CDH13: variants seen among roughly 807,000 people sequenced by gnomAD.
CDH13 encodes cadherin-13.
CDH13 carries 24 observed loss-of-function variants against 63.8 expected under a neutral mutation model. The ratio of observed to expected loss-of-function variants is 0.38; its 90% CI spans 0.27 to 0.53. The LOEUF (loss-of-function observed/expected upper bound fraction) is 0.53. CDH13 is among the 20% of genes least tolerant of loss of function. CDH13 has a pLI of 0.85. For missense variants in CDH13, 1,049 were observed against 903.1 expected, an observed-to-expected ratio of 1.16 and a Z score of -2.07; for synonymous variants, 503 against 355.3, an observed-to-expected ratio of 1.42 and a Z score of -4.67.
intron 3 of CDH13, among the ~76,000 whole-genome samples, chr16:83,061,784 T>C (rs1464616429): frequency 6.6e-6 from 1 of 152,338 alleles, no homozygotes; most frequent in East Asian, 1.9e-4. Flanking sequence ...ACGGCACTTA[T>C]GAAGAATCTG....
At chr16:82,881,904 C>A (rs946485324) in intron 2 of CDH13, among the ~76,000 whole-genome samples, 3 of 152,180 alleles carry the variant, frequency 2.0e-5, no homozygotes, top group Non-Finnish European at 4.4e-5. Context: ...GGACCCACCA[C>A]CAGCTTCTGT....
At chr16:82,692,127 T>C (rs1388053126) in intron 1 of CDH13, among the ~76,000 whole-genome samples, 1 of 152,228 alleles carries the variant, frequency 6.6e-6, no homozygotes, top group Non-Finnish European at 1.5e-5. Context: ...AGCAAAGTTA[T>C]ACTGAAGTGC....
intron 7 of CDH13, among the ~76,000 whole-genome samples, chr16:83,507,993 C>G (rs1219453850): frequency 6.7e-6 from 1 of 148,434 alleles, no homozygotes. Flanking sequence ...GATCGCGCCA[C>G]TGCACTCCAG....
chr16:83,325,897 A>T lies in CDH13; in HGVS notation c.637-18965A>T, dbSNP rs147282559. On this transcript the variant is annotated intron_variant, in intron 5 of 13. Transcript: ENST00000567109. ...AAATTAATTGAATATGGACTCACTT[A>T]CAGAACGAAGTCCACAATGTCCCTT... Among the ~76,000 whole-genome samples, 336 of 152,336 alleles carry T rather than the reference A, an allele frequency of 2.2e-3. 1 individual carries two copies. Among genetic ancestry groups the T allele is most frequent in the Admixed American group, 4.0e-3 (61 of 15,304 alleles).
At chr16:82,849,176 A>G (rs2039383362) in intron 1 of CDH13, among the ~76,000 whole-genome samples, 1 of 152,204 alleles carries the variant, frequency 6.6e-6, no homozygotes, top group African/African-American at 2.4e-5. Context: ...AGTGTGTGAC[A>G]TTTAAGTAAA....
intron 1 of CDH13, among the ~76,000 whole-genome samples, chr16:82,738,766 CTA>C (rs2033801386): frequency 6.6e-6 from 1 of 152,242 alleles, no homozygotes. Context: ...CATTAACTCT[CTA>C]TGCCCTAAAA....
At chr16:83,393,021 C>T (rs1168817542) in intron 6 of CDH13, among the ~76,000 whole-genome samples, 1 of 152,002 alleles carries the variant, frequency 6.6e-6, no homozygotes, top group East Asian at 1.9e-4. Context: ...GAATTCAGAC[C>T]TGCCAATAGC....
Position 83,579,258 on chromosome 16 carries a change from T to A in CDH13, c.961-23196T>A, listed in dbSNP as rs112467085. On this transcript the variant is annotated intron_variant, in intron 7 of 13. Coordinates refer to ENST00000567109, the MANE Select transcript of CDH13 (RefSeq NM_001257.5). Reference sequence around the variant, plus strand: ...GAGTGAATCACCCCAGGGAGAGCCATCCTAAGGCTGACTTCCTACACTGTC... The same window carrying A: ...GAGTGAATCACCCCAGGGAGAGCCAACCTAAGGCTGACTTCCTACACTGTC... Among the ~76,000 whole-genome samples the A allele has an allele frequency of 3.8e-3, 578 of 152,222 alleles. 3 individuals are homozygous for A. The highest frequency in any genetic ancestry group is 0.014 in the African/African-American group (561 of 41,522).
In CDH13 at chr16:82,833,880, A is replaced by G. The variant is rs537777979; in HGVS notation, c.46-24482A>G. Among the ~76,000 whole-genome samples, 10 of 152,304 alleles carry G rather than the reference A, an allele frequency of 6.6e-5. No individual in the cohort carries two copies. In the South Asian group the frequency reaches 2.1e-3, roughly 32 times the overall value. On this transcript the variant is annotated intron_variant, in intron 1 of 13. Transcript: ENST00000567109. The stretch of plus-strand genomic sequence containing the variant: ...TATAATGTGAAAAGATCGACATGTG[A>G]GCCCAGAGCAGATGCATAATAATGC...
intron 3 of CDH13, among the ~76,000 whole-genome samples, chr16:83,067,298 T>A (rs1270631497): frequency 3.3e-5 from 5 of 152,220 alleles, no homozygotes; most frequent in African/African-American, 1.2e-4. Flanking sequence ...CGGCACGGGC[T>A]GAGAACTGAG....
At chr16:83,475,427 G>T (rs1043399433) in intron 6 of CDH13, among the ~76,000 whole-genome samples, 1 of 152,236 alleles carries the variant, frequency 6.6e-6, no homozygotes, top group African/African-American at 2.4e-5. Flanking sequence ...TCCCTAAGCT[G>T]CCACTTGGAG....
At chr16:82,658,998 T>A (rs552518063) in intron 1 of CDH13, among the ~76,000 whole-genome samples, 1 of 152,134 alleles carries the variant, frequency 6.6e-6, no homozygotes, top group South Asian at 2.1e-4. Context: ...CTGACTCTAA[T>A]CCCCTCCTGG....
intron 1 of CDH13, among the ~76,000 whole-genome samples, chr16:82,746,211 AC>A (rs2034160675): frequency 1.0e-5 from 1 of 95,588 alleles, no homozygotes; most frequent in Non-Finnish European, 2.6e-5. Context: ...ATATAAACAC[AC>A]TGTTTATATA....
At chr16:82,828,594 C>T (rs2038373118) in intron 1 of CDH13, among the ~76,000 whole-genome samples, 1 of 151,698 alleles carries the variant, frequency 6.6e-6, no homozygotes, top group Non-Finnish European at 1.5e-5. Context: ...TGCACTCCAG[C>T]CTGGGCAACA....
chr16:82,794,675 C>T (rs192282571), intron 1 of CDH13, among the ~76,000 whole-genome samples: 7 of 152,206 alleles, frequency 4.6e-5, no homozygotes, highest in Admixed American at 4.6e-4. Context: ...GTTATGTTGC[C>T]ATGCCTTAGC....
At chr16:83,438,646 C>G (rs2072391159) in intron 6 of CDH13, among the ~76,000 whole-genome samples, 1 of 152,202 alleles carries the variant, frequency 6.6e-6, no homozygotes, top group Non-Finnish European at 1.5e-5. Flanking sequence ...AGCTATTCAG[C>G]TCTTTTATAC....
rs543906737 is a variant in CDH13, at chr16:83,595,073, G to T, written c.961-7381G>T. On this transcript the variant is annotated intron_variant, in intron 7 of 13. Transcript: ENST00000567109. Reference sequence around the variant, plus strand: ...TGCATGACTGCAGAACTCAAACCAGGAGAGCAGCTTGACTCTCTTAGATAT... The same window carrying T: ...TGCATGACTGCAGAACTCAAACCAGTAGAGCAGCTTGACTCTCTTAGATAT... Among the ~76,000 whole-genome samples the T allele has an allele frequency of 3.5e-4, 54 of 152,336 alleles. No individual in the cohort carries two copies. In the South Asian group the frequency reaches 0.011, roughly 31 times the overall value.
At chr16:83,261,290 C>T (rs1354514674) in intron 5 of CDH13, among the ~76,000 whole-genome samples, 1 of 152,172 alleles carries the variant, frequency 6.6e-6, no homozygotes. Flanking sequence ...CTGTGGAAAG[C>T]TCATTACCGA....
intron 3 of CDH13, among the ~76,000 whole-genome samples, chr16:83,043,490 A>AGTGTGTGTGTGT (rs67312035): frequency 1.5e-5 from 2 of 132,098 alleles, no homozygotes; most frequent in African/African-American, 5.1e-5. Flanking sequence ...TGTATATATG[A>AGTGTGTGTGTGT]GTGTGTGTGT....
Sources: allele counts gnomAD v4.1 joint callset (sites outside exome capture counted in the v4.1 genomes callset), GRCh38; gene constraint gnomAD v4.1.1; transcripts MANE v1.5; gene names NCBI Gene and HGNC (gene_info 2026-07-23, HGNC 2026-07-21).